DPP10: variants seen among roughly 807,000 people sequenced by gnomAD.
DPP10 encodes inactive dipeptidyl peptidase 10.
DPP10 carries 33 observed loss-of-function variants against 120.9 expected under a neutral mutation model. The ratio of observed to expected loss-of-function variants is 0.27; its 90% confidence interval spans 0.21 to 0.37. DPP10 has a LOEUF of 0.37. DPP10 is among the 10% of genes least tolerant of loss of function. The probability of loss-of-function intolerance (pLI) is 1.00; values close to 1 mark genes in which losing one functional copy is unlikely to be tolerated. For synonymous variants in DPP10, 337 were observed against 326.1 expected, an observed-to-expected ratio of 1.03 and a Z score of -0.36; for missense variants, 816 against 942.8, an observed-to-expected ratio of 0.87 and a Z score of 1.76.
chr2:115,421,422 G>A (rs1256870159), intron 3 of DPP10, among the ~76,000 whole-genome samples: 1 of 152,000 alleles, frequency 6.6e-6, no homozygotes, highest in Non-Finnish European at 1.5e-5. Flanking sequence ...CTTTCTACCT[G>A]CATATATTCC....
chr2:115,177,395 G>T (rs1328857207), intron 1 of DPP10, among the ~76,000 whole-genome samples: 1 of 152,118 alleles, frequency 6.6e-6, no homozygotes, highest in Non-Finnish European at 1.5e-5. Flanking sequence ...AGAGGTCTTT[G>T]TCATTTTGTT....
intron 5 of DPP10, among the ~76,000 whole-genome samples, chr2:115,590,667 C>G (rs1484743670): frequency 6.6e-6 from 1 of 152,138 alleles, no homozygotes; most frequent in Non-Finnish European, 1.5e-5. Context: ...ATTTACAGTC[C>G]TTTGGGTATA....
At chr2:115,514,885 T>G (rs980117075) in intron 4 of DPP10, among the ~76,000 whole-genome samples, 1 of 151,854 alleles carries the variant, frequency 6.6e-6, no homozygotes, top group African/African-American at 2.4e-5. Context: ...TCAAAAATCT[T>G]CTACAGAAAT....
At chr2:115,606,709 A>C (rs1300508831) in intron 5 of DPP10, among the ~76,000 whole-genome samples, 1 of 152,210 alleles carries the variant, frequency 6.6e-6, no homozygotes, top group African/African-American at 2.4e-5. Context: ...AGTTAAAAAC[A>C]CAGGGTATGA....
chr2:115,783,794 G>A (rs1226260054), intron 17 of DPP10, among the ~76,000 whole-genome samples: 1 of 152,156 alleles, frequency 6.6e-6, no homozygotes, highest in African/African-American at 2.4e-5. Flanking sequence ...AACTATCAGT[G>A]TATAAAATAA....
intron 1 of DPP10, among the ~76,000 whole-genome samples, chr2:114,816,919 T>C (rs1052648720): frequency 6.6e-6 from 1 of 152,200 alleles, no homozygotes; most frequent in African/African-American, 2.4e-5. Context: ...CTGACCTGTA[T>C]GAAACAAGGT....
At chr2:114,966,761 G>T (rs886813772) in intron 1 of DPP10, among the ~76,000 whole-genome samples, 1 of 152,226 alleles carries the variant, frequency 6.6e-6, no homozygotes, top group Non-Finnish European at 1.5e-5. Context: ...ACAAGAGAAG[G>T]CTGGGTGCAG....
intron 1 of DPP10, among the ~76,000 whole-genome samples, chr2:114,571,506 G>A (rs181951088): frequency 2.6e-4 from 39 of 152,196 alleles, no homozygotes; most frequent in Non-Finnish European, 5.1e-4. Context: ...ATCAATGAGA[G>A]AACAGACTAA....
chr2:115,063,235 G>C (rs190404514), intron 1 of DPP10, among the ~76,000 whole-genome samples: 1 of 152,194 alleles, frequency 6.6e-6, no homozygotes, highest in African/African-American at 2.4e-5. Flanking sequence ...TTTTAATGGG[G>C]TTGTTTTTTC....
At chr2:114,707,261 A>C in intron 1 of DPP10, 1 of 151,698 alleles carries the variant, frequency 6.6e-6, no homozygotes, top group East Asian at 1.9e-4. Context: ...GTAATAGAGA[A>C]AAAATAGGAA....
intron 1 of DPP10, among the ~76,000 whole-genome samples, chr2:114,933,401 C>A (rs528628327): frequency 5.3e-5 from 8 of 152,308 alleles, no homozygotes; most frequent in African/African-American, 1.9e-4. Flanking sequence ...GAGCCATCAC[C>A]AGTTCATAAA....
chr2:114,528,959 A>G (rs1685732818), intron 1 of DPP10, among the ~76,000 whole-genome samples: 1 of 152,006 alleles, frequency 6.6e-6, no homozygotes, highest in Admixed American at 6.6e-5. Context: ...CCCCAGATGT[A>G]TTCTTTGTCC....
At position 115,844,145 on chromosome 2, in the gene DPP10, A is replaced by G. The variant is rs1051816310; in HGVS notation, c.*1800A>G. 4.6e-5 allele frequency: 7 copies of G among 152,624 alleles called. No homozygotes were observed. The highest frequency in any genetic ancestry group is 7.3e-5 in the Non-Finnish European group (5 of 68,036). 9.5% of individuals were successfully genotyped at this position (152,624 alleles called of 1,614,324 possible). On this transcript the variant is annotated 3_prime_UTR_variant, in exon 26 of 26. Transcript: ENST00000410059. Reference sequence around the variant, plus strand: ...AATAGTGAACACATTTTTTAACAAAATAAGTTGTAATTTTAAAAGGAAAGT... The same window carrying G: ...AATAGTGAACACATTTTTTAACAAAGTAAGTTGTAATTTTAAAAGGAAAGT...
intron 1 of DPP10, chr2:114,462,057 A>G: frequency 1.0e-6 from 1 of 985,412 alleles, no homozygotes; most frequent in Non-Finnish European, 1.2e-6. Context: ...GCAGAGTGTG[A>G]TATCAAGAAA....
intron 1 of DPP10, among the ~76,000 whole-genome samples, chr2:115,254,721 G>A (rs970490551): frequency 5.3e-5 from 8 of 152,180 alleles, no homozygotes; most frequent in African/African-American, 1.7e-4. Flanking sequence ...AAAACAGAGG[G>A]GCTACAGGCC....
At chr2:114,678,715 T>C (rs887851817) in intron 1 of DPP10, among the ~76,000 whole-genome samples, 1 of 152,042 alleles carries the variant, frequency 6.6e-6, no homozygotes, top group Non-Finnish European at 1.5e-5. Flanking sequence ...GAATTAATGA[T>C]TATTAAACGC....
At chr2:115,169,054 A>G (rs1253415573) in intron 1 of DPP10, among the ~76,000 whole-genome samples, 1 of 152,148 alleles carries the variant, frequency 6.6e-6, no homozygotes, top group Non-Finnish European at 1.5e-5. Flanking sequence ...ACATTTTTGG[A>G]ATTGCCAAAT....
At chr2:114,795,895 C>T (rs1437844135) in intron 1 of DPP10, among the ~76,000 whole-genome samples, 1 of 152,116 alleles carries the variant, frequency 6.6e-6, no homozygotes, top group Non-Finnish European at 1.5e-5. Context: ...TGCATGGAAC[C>T]ATTAACAGTA....
intron 1 of DPP10, among the ~76,000 whole-genome samples, chr2:115,030,973 T>C (rs1255175352): frequency 6.6e-6 from 1 of 152,176 alleles, no homozygotes; most frequent in Admixed American, 6.5e-5. Context: ...TTTTAGGATG[T>C]AGCCACACAA....
Sources: gnomAD v4.1 joint callset for allele counts (sites outside exome capture counted in the v4.1 genomes callset) on GRCh38, gnomAD v4.1.1 for gene constraint, MANE v1.5 for transcripts, NCBI Gene and HGNC (gene_info 2026-07-23, HGNC 2026-07-21) for gene names.